AKAP8L: variants seen among roughly 807,000 people sequenced by gnomAD.
The protein encoded by AKAP8L is A-kinase anchor protein 8-like.
In AKAP8L, 34 loss-of-function variants were observed where a neutral mutation model predicts 77.5. The observed-to-expected ratio is 0.44, with a 90% CI of 0.33 to 0.58. AKAP8L has a LOEUF of 0.58. AKAP8L is among the 20% of genes least tolerant of loss of function. The pLI is 0.02. For missense variants in AKAP8L, 806 were observed against 887.6 expected (o/e 0.91, Z 1.17); for synonymous variants, 342 against 340.7 (o/e 1.00, Z -0.04).
chr19:15,399,648 T>A lies in AKAP8L; in HGVS notation c.1049-238A>T. The stretch of plus-strand genomic sequence containing the variant: ...ACCCCTCCACTCTCCAGGACACCCA[T>A]GCTCTCTGTGCAGTGGGCCAGGAGG... On this transcript the variant is annotated intron_variant, in intron 8 of 13. Coordinates refer to ENST00000397410, the MANE Select transcript of AKAP8L (RefSeq NM_014371.4). The surrounding 1 kb of genome is among the most constrained non-coding windows in gnomAD (Gnocchi z 6.1). The A allele has an allele frequency of 1.8e-6, 1 of 550,082 alleles. No individual in the cohort carries two copies. Among genetic ancestry groups the A allele is most frequent in the Non-Finnish European group, 3.3e-6 (1 of 305,472 alleles). 34.1% of individuals were successfully genotyped at this position (550,082 alleles called of 1,614,324 possible). A position where few individuals can be genotyped will look rare whatever the true frequency, so the allele number is the denominator to read the frequency against.
In AKAP8L at chr19:15,398,192, G is replaced by A; in HGVS notation, c.1158-337C>T. The A allele has an allele frequency of 2.9e-6, 1 of 350,432 alleles. No homozygotes were observed. Among genetic ancestry groups the A allele is most frequent in the East Asian group, 6.2e-5 (1 of 16,120 alleles). The allele number at this position is 350,432 out of a possible 1,614,324, so 21.7% of individuals were successfully genotyped here. The stretch of plus-strand genomic sequence containing the variant: ...CTACCAAGGCTGGGCAGGAGCGTGT[G>A]CACTTGGCCCAGGTGGGGACCGGAA... On this transcript the variant is annotated intron_variant, in intron 9 of 13. Coordinates refer to ENST00000397410, the MANE Select transcript of AKAP8L (RefSeq NM_014371.4). The surrounding 1 kb of genome is among the most constrained non-coding windows in gnomAD (Gnocchi z 9.2).
chr19:15,394,374 A>G (rs562307518), intron 12 of AKAP8L, among the ~76,000 whole-genome samples: 1 of 152,274 alleles, frequency 6.6e-6, no homozygotes, highest in East Asian at 1.9e-4. Context: ...ATAAGCAAAT[A>G]GAGAGAGATA....
intron 1 of AKAP8L, among the ~76,000 whole-genome samples, chr19:15,413,962 C>A (rs991765919): frequency 6.6e-6 from 1 of 152,200 alleles, no homozygotes; most frequent in Non-Finnish European, 1.5e-5. Flanking sequence ...TAACTCTATA[C>A]CCTGCACCAC....
chr19:15,390,584 TATTA>T (rs1288852982), intron 12 of AKAP8L, among the ~76,000 whole-genome samples: 1 of 152,154 alleles, frequency 6.6e-6, no homozygotes, highest in Non-Finnish European at 1.5e-5. Context: ...ATGAGGCCAG[TATTA>T]ATTAACCTGA....
At chr19:15,409,548 T>C (rs2067242194) in intron 2 of AKAP8L, among the ~76,000 whole-genome samples, 1 of 152,184 alleles carries the variant, frequency 6.6e-6, no homozygotes, top group African/African-American at 2.4e-5. Context: ...TTTCCCCAGA[T>C]CTTGGTAGTA....
At chr19:15,414,998 AGACAGG>A (rs776978468) in intron 1 of AKAP8L, among the ~76,000 whole-genome samples, 1 of 152,028 alleles carries the variant, frequency 6.6e-6, no homozygotes. Flanking sequence ...TTGTTTTGAG[AGACAGG>A]GTCTCACTAT....
intron 2 of AKAP8L, among the ~76,000 whole-genome samples, chr19:15,409,669 A>T (rs1169138707): frequency 6.6e-6 from 1 of 152,220 alleles, no homozygotes; most frequent in East Asian, 1.9e-4. Flanking sequence ...CAGCTTTAAC[A>T]GCAGTCCGGG....
chr19:15,399,070 G>A lies in AKAP8L; in HGVS notation c.1157+232C>T. The A allele has an allele frequency of 1.8e-6, 1 of 561,190 alleles. No homozygotes were observed. 34.8% of individuals were successfully genotyped at this position (561,190 alleles called of 1,614,324 possible). A position where few individuals can be genotyped will look rare whatever the true frequency, so the allele number is the denominator to read the frequency against. ...CTTCTGAGCAACGGTGCCGAGCGGT[G>A]TCAGGTCTCGGCCCACAGACGCCAG... On this transcript the variant is annotated intron_variant, in intron 9 of 13. Coordinates refer to ENST00000397410, the MANE Select transcript of AKAP8L (RefSeq NM_014371.4). The surrounding 1 kb of genome is among the most constrained non-coding windows in gnomAD (Gnocchi z 6.1).
At position 15,398,159 on chromosome 19, in the gene AKAP8L, G is replaced by A. The variant is rs972260755; in HGVS notation, c.1158-304C>T. 2.4e-6 allele frequency: 1 copy of A among 424,568 alleles called. No individual in the cohort carries two copies. Among genetic ancestry groups the A allele is most frequent in the Non-Finnish European group, 4.4e-6 (1 of 228,294 alleles). The allele number at this position is 424,568 out of a possible 1,614,324, so 26.3% of individuals were successfully genotyped here. On this transcript the variant is annotated intron_variant, in intron 9 of 13. Transcript: ENST00000397410. This position sits in a 1 kb window ranked among gnomAD's most constrained non-coding sequence, Gnocchi z 9.2. ...AACGAGTCGCTGGAAAGTTGCTGGA[G>A]GGCCTCGCTACCAAGGCTGGGCAGG... is the stretch of plus-strand genomic sequence containing the variant.
intron 2 of AKAP8L, among the ~76,000 whole-genome samples, chr19:15,408,283 G>A (rs537574673): frequency 7.9e-5 from 12 of 152,104 alleles, no homozygotes; most frequent in Non-Finnish European, 1.6e-4. Flanking sequence ...AGAAAATATA[G>A]GCCTGGCACA....
chr19:15,415,761 C>T (rs889528357), intron 1 of AKAP8L, among the ~76,000 whole-genome samples: 4 of 151,678 alleles, frequency 2.6e-5, no homozygotes, highest in Non-Finnish European at 5.9e-5. Flanking sequence ...TGGCGGGCAC[C>T]TGTAGTCCCA....
At chr19:15,383,010 C>G (rs1355026206) in intron 12 of AKAP8L, among the ~76,000 whole-genome samples, 1 of 152,146 alleles carries the variant, frequency 6.6e-6, no homozygotes, top group African/African-American at 2.4e-5. Flanking sequence ...ATAGGTCTAC[C>G]ATCCCTTATC....
Position 15,403,025 on chromosome 19 carries a change from C to T in AKAP8L, c.362+450G>A, listed in dbSNP as rs1967928767. Among the ~76,000 whole-genome samples, 1 of 152,186 alleles carries T rather than the reference C, an allele frequency of 6.6e-6. No homozygotes were observed. The highest frequency in any genetic ancestry group is 2.4e-5 in the African/African-American group (1 of 41,446). ...GGAGAGTAACCAGGAAATGCCCACA[C>T]CTGCCCCGACCCTTACGTGGGGGTG... On this transcript the variant is annotated intron_variant, in intron 4 of 13. Transcript: ENST00000397410. This position sits in a 1 kb window ranked among gnomAD's most constrained non-coding sequence, Gnocchi z 4.3.
intron 12 of AKAP8L, among the ~76,000 whole-genome samples, chr19:15,393,192 C>G (rs1967700145): frequency 6.6e-6 from 1 of 151,878 alleles, no homozygotes; most frequent in African/African-American, 2.4e-5. Context: ...TAAATTAACT[C>G]AAATGGAACA....
intron 4 of AKAP8L, among the ~76,000 whole-genome samples, chr19:15,402,771 C>T (rs923956044): frequency 3.3e-4 from 50 of 152,248 alleles, no homozygotes; most frequent in African/African-American, 1.2e-3. Context: ...AAGCCTCGCA[C>T]TGGGCATAAG....
At position 15,404,096 on chromosome 19, in the gene AKAP8L, T is replaced by C; in HGVS notation, c.89-54A>G. On this transcript the variant is annotated intron_variant, in intron 2 of 13. Coordinates refer to ENST00000397410, the MANE Select transcript of AKAP8L (RefSeq NM_014371.4). ...TATACTTGCTTACAATACAAGGCCA[T>C]AATTCAGGCGCAGACAATTATTCCC... 4 of 1,573,364 alleles carry C rather than the reference T, an allele frequency of 2.5e-6. No homozygotes were observed. In the South Asian group the frequency reaches 3.3e-5, roughly 13 times the overall value.
intron 1 of AKAP8L, 126 bp from the exon 2 acceptor site, chr19:15,410,720 T>C: frequency 1.4e-6 from 1 of 690,360 alleles, no homozygotes; most frequent in Non-Finnish European, 2.5e-6. Context: ...CCAAAACCTC[T>C]AGATTCCACA....
In AKAP8L at chr19:15,380,603, CCAT is replaced by C; in HGVS notation, c.1543_1545del (p.Met515del). The C allele has an allele frequency of 6.2e-7, 1 of 1,613,550 alleles. No homozygotes were observed. The highest frequency in any genetic ancestry group is 8.5e-7 in the Non-Finnish European group (1 of 1,179,876). On this transcript the variant is annotated inframe_deletion, in exon 13 of 14. Transcript: ENST00000397410. ...ATGAGGGAGGACTTCTTGGACTGCT[CCAT>C]CATGAGCTGCGGGCAGGGCAGAAGG...
At chr19:15,414,803 T>C (rs1253598591) in intron 1 of AKAP8L, among the ~76,000 whole-genome samples, 1 of 150,640 alleles carries the variant, frequency 6.6e-6, no homozygotes, top group Admixed American at 6.6e-5. Context: ...ATTTCTTTCT[T>C]TCTATTTTTA....
Sources: allele counts gnomAD v4.1 joint callset (sites outside exome capture counted in the v4.1 genomes callset), GRCh38; gene constraint gnomAD v4.1.1; non-coding constraint Gnocchi (gnomAD v3.1); transcripts MANE v1.5; gene names NCBI Gene and HGNC (gene_info 2026-07-23, HGNC 2026-07-21).